Variants in CYB5R2 observed in about 807,000 individuals in gnomAD.
CYB5R2 encodes cytochrome b5 reductase 2, also known as NADH-cytochrome b5 reductase 2.
Under a neutral mutation model 29.8 loss-of-function variants are expected in CYB5R2, and 35 were observed. The observed-to-expected ratio is 1.17, with a 90% CI of 0.90 to 1.56. The LOEUF (loss-of-function observed/expected upper bound fraction) is 1.56. Among genes scored for constraint, CYB5R2 ranks in the 40% most tolerant of loss-of-function variants. CYB5R2 has a pLI of 0.00. For synonymous variants in CYB5R2, 169 were observed against 130.6 expected, an observed-to-expected ratio of 1.29 and a Z score of -2.01; for missense variants, 419 against 346.7, an observed-to-expected ratio of 1.21 and a Z score of -1.66.
chr11:7,668,163 G>A (rs1163826046), intron 6 of CYB5R2, among the ~76,000 whole-genome samples: 1 of 152,200 alleles, frequency 6.6e-6, no homozygotes, highest in African/African-American at 2.4e-5. Context: ...TCTTCAGGCA[G>A]TCATTTTCAA....
intron 1 of CYB5R2, 125 bp downstream of exon 1, chr11:7,673,294 G>A: frequency 1.1e-6 from 1 of 872,252 alleles, no homozygotes; most frequent in African/African-American, 1.7e-5. Flanking sequence ...ACTAGGGTGC[G>A]TAGCTCTAAG....
chr11:7,673,017 CA>C, intron 1 of CYB5R2, 126 bp from the exon 2 acceptor site: 1 of 918,256 alleles, frequency 1.1e-6, no homozygotes, highest in Non-Finnish European at 1.6e-6. Context: ...AGGAAATAGG[CA>C]AAGAGAACAG....
chr11:7,672,182 A>G (rs897571521), intron 3 of CYB5R2: 3 of 427,624 alleles, frequency 7.0e-6, no homozygotes, highest in African/African-American at 4.0e-5. Flanking sequence ...GGAGCCTTCC[A>G]TGAGATTTTA....
intron 8 of CYB5R2, chr11:7,666,120 G>T: frequency 1.6e-6 from 1 of 616,618 alleles, no homozygotes; most frequent in African/African-American, 1.8e-5. Context: ...GTGGTGAAGG[G>T]GTCAGTGCCC....
At chr11:7,669,851 G>A in intron 3 of CYB5R2, 120 bp from the exon 4 acceptor site, 1 of 762,120 alleles carries the variant, frequency 1.3e-6, no homozygotes, top group South Asian at 1.6e-5. Flanking sequence ...AAGAGGGGTG[G>A]GAAGAAGAGA....
chr11:7,667,874 C>A, intron 6 of CYB5R2, 61 bp from the exon 7 acceptor site: 1 of 1,372,432 alleles, frequency 7.3e-7, no homozygotes, highest in South Asian at 1.2e-5. Context: ...CAGTCCCTGA[C>A]CTGCAGCAAG....
chr11:7,669,811 G>T, intron 3 of CYB5R2, 80 bp from the exon 4 acceptor site: 1 of 1,031,240 alleles, frequency 9.7e-7, no homozygotes, highest in Non-Finnish European at 1.5e-6. Flanking sequence ...GAGCTTCAGT[G>T]AAGGGAGCAA....
At position 7,665,650 on chromosome 11, in the gene CYB5R2, T is replaced by C. The variant is rs899628359; in HGVS notation, c.659-104A>G. The C allele has an allele frequency of 2.3e-5, 30 of 1,313,512 alleles. No individual in the cohort carries two copies. In the Admixed American group the frequency reaches 7.6e-4, roughly 33 times the overall value. The allele number at this position is 1,313,512 out of a possible 1,614,324, so 81.4% of individuals were successfully genotyped here. A position where few individuals can be genotyped will look rare whatever the true frequency, so the allele number is the denominator to read the frequency against. ...CTCAGCCAGGGAGGAGGTGACAAGC[T>C]GCTCTACAAAGGCTTAGAAGTCTGT... is the stretch of plus-strand genomic sequence containing the variant. On this transcript the variant is annotated intron_variant, in intron 8 of 8. Coordinates refer to ENST00000299498, the MANE Select transcript of CYB5R2 (RefSeq NM_016229.5).
rs1452771134 is a variant in CYB5R2, at chr11:7,669,620, T to C, written c.258+5A>G. On this transcript the variant is annotated splice_donor_5th_base_variant and intron_variant, in intron 4 of 8. Transcript: ENST00000299498. Reference sequence around the variant, plus strand: ...AGCTAGCCAGATATGGTGGGCACTATTTACCTTTATAATTAGGTCCACAAA... The same window carrying C: ...AGCTAGCCAGATATGGTGGGCACTACTTACCTTTATAATTAGGTCCACAAA... 1.3e-6 allele frequency: 2 copies of C among 1,587,024 alleles called. No individual in the cohort carries two copies. Among genetic ancestry groups the C allele is most frequent in the Admixed American group, 1.8e-5 (1 of 56,742 alleles).
In CYB5R2 at chr11:7,669,330, T is replaced by C. The variant is rs910998956; in HGVS notation, c.263A>G (p.Tyr88Cys). The C allele has an allele frequency of 1.9e-6, 3 of 1,610,452 alleles. No individual in the cohort carries two copies. The highest frequency in any genetic ancestry group is 1.3e-5 in the African/African-American group (1 of 74,786). ...RGFVDLIIKI[Y>C]FKNVHPQYPE... Reference sequence around the variant, plus strand: ...ATATTGGGGGTGTACATTTTTGAAGTAGATCTGAAAAGCAAGGCAGCACTG... The same window carrying C: ...ATATTGGGGGTGTACATTTTTGAAGCAGATCTGAAAAGCAAGGCAGCACTG... Residue 88 changes from tyrosine (Y) to cysteine (C), a missense_variant, in exon 5 of 9, where the codon TAC (tyrosine) becomes TGC (cysteine). Transcript: ENST00000299498.
intron 1 of CYB5R2, chr11:7,673,144 C>T: frequency 2.4e-6 from 1 of 421,352 alleles, no homozygotes; most frequent in South Asian, 2.2e-5. Context: ...GCACACATGG[C>T]CTGGGGTGCT....
intron 5 of CYB5R2, 45 bp downstream of exon 5, chr11:7,669,160 A>AATCT: frequency 6.2e-7 from 1 of 1,612,878 alleles, no homozygotes; most frequent in African/African-American, 1.3e-5. Context: ...CCATTGCAGG[A>AATCT]ATCTTCCTCC....
intron 6 of CYB5R2, among the ~76,000 whole-genome samples, 164 bp from the exon 7 acceptor site, chr11:7,667,977 C>T (rs1855432824): frequency 6.6e-6 from 1 of 152,240 alleles, no homozygotes; most frequent in Non-Finnish European, 1.5e-5. Context: ...GTTTTCCTTT[C>T]TAATGCAACA....
rs528436127 is a variant in CYB5R2, at chr11:7,666,292, C to T, written c.658+159G>A. On this transcript the variant is annotated intron_variant, in intron 8 of 8. Coordinates refer to ENST00000299498, the MANE Select transcript of CYB5R2 (RefSeq NM_016229.5). ...GCAGGCCATCCCAAATCCTTTCTCC[C>T]TCAATTTCTCACATTTCCCATCTGG... The T allele has an allele frequency of 6.8e-5, 42 of 613,764 alleles. No homozygotes were observed. In the South Asian group the frequency reaches 8.7e-4, roughly 13 times the overall value. The allele number at this position is 613,764 out of a possible 1,614,324, so 38.0% of individuals were successfully genotyped here.
At chr11:7,673,559 G>A, upstream of CYB5R2, 2 of 983,962 alleles carry the variant, frequency 2.0e-6, no homozygotes, top group Non-Finnish European at 2.4e-6. Flanking sequence ...TCCCGCCCAC[G>A]ACCTCTCCCC....
At chr11:7,669,877 AAATATGGGATGCCCGGATCCTAGGC>A (rs1175625791) in intron 3 of CYB5R2, 146 bp from the exon 4 acceptor site, 1 of 645,878 alleles carries the variant, frequency 1.5e-6, no homozygotes, top group Non-Finnish European at 2.7e-6. Flanking sequence ...GAAGGAACCC[AAATATGGGATGCCCGGATCCTAGGC>A]CTGCCCTGCC....
At chr11:7,667,564 G>GACTC (rs1855382216) in intron 7 of CYB5R2, 164 bp downstream of exon 7, 3 of 670,020 alleles carry the variant, frequency 4.5e-6, no homozygotes, top group Middle Eastern at 2.5e-4. Context: ...AGCAGGCCTG[G>GACTC]ACTCAGCTTC....
At chr11:7,668,140 AG>A (rs1855454082) in intron 6 of CYB5R2, among the ~76,000 whole-genome samples, 10 of 152,224 alleles carry the variant, frequency 6.6e-5, no homozygotes, top group African/African-American at 2.4e-4. Flanking sequence ...TCTCCTTCAA[AG>A]ACTGCTCTCT....
At chr11:7,666,424 G>T in intron 8 of CYB5R2, 27 bp downstream of exon 8, 1 of 1,460,988 alleles carries the variant, frequency 6.8e-7, no homozygotes, top group Non-Finnish European at 9.6e-7. Flanking sequence ...GCTGACCCAT[G>T]GTGAGTGAGG....
Sources: gnomAD v4.1 joint callset for allele counts (sites outside exome capture counted in the v4.1 genomes callset) on GRCh38, gnomAD v4.1.1 for gene constraint, MANE v1.5 for transcripts, NCBI Gene and HGNC (gene_info 2026-07-23, HGNC 2026-07-21) for gene names.